The following SEMA6D variants were observed in gnomAD, a reference collection of about 807,000 sequenced individuals.
SEMA6D encodes semaphorin 6D.
A neutral mutation model predicts 106.6 loss-of-function variants in SEMA6D; 35 were observed. The observed-to-expected ratio is 0.33, with a 90% CI of 0.25 to 0.44. SEMA6D has a LOEUF of 0.44. Ranked by LOEUF, SEMA6D falls within the 20% of genes least tolerant of loss-of-function variation. The pLI, the probability that SEMA6D is intolerant of heterozygous loss-of-function variation, is 1.00. For synonymous variants in SEMA6D, 499 were observed against 487.7 expected, an observed-to-expected ratio of 1.02 and a Z score of -0.31; for missense variants, 1,185 against 1,345.9, an observed-to-expected ratio of 0.88 and a Z score of 1.87.
At chr15:47,488,348 G>C (rs143402342) in intron 3 of SEMA6D, among the ~76,000 whole-genome samples, 2 of 151,992 alleles carry the variant, frequency 1.3e-5, no homozygotes, top group African/African-American at 4.8e-5. Context: ...TTATAGACAT[G>C]TCTGGTTTTA....
At chr15:47,573,599 A>G (rs538828951) in intron 3 of SEMA6D, among the ~76,000 whole-genome samples, 24 of 152,200 alleles carry the variant, frequency 1.6e-4, no homozygotes, top group Non-Finnish European at 2.8e-4. Context: ...CATGGAGACA[A>G]CGGTGGTGCA....
chr15:47,670,583 T>A (rs1467409486), intron 4 of SEMA6D, among the ~76,000 whole-genome samples: 2 of 151,716 alleles, frequency 1.3e-5, no homozygotes, highest in Non-Finnish European at 2.9e-5. Context: ...CTTAGTAGGT[T>A]TTCTGTTCCT....
intron 3 of SEMA6D, among the ~76,000 whole-genome samples, chr15:47,593,803 G>A (rs898529154): frequency 2.0e-5 from 3 of 152,154 alleles, no homozygotes; most frequent in African/African-American, 2.4e-5. Context: ...GGTGCATCAC[G>A]TGGCTGGAGT....
chr15:47,353,218 A>G (rs922764682), intron 1 of SEMA6D, among the ~76,000 whole-genome samples: 2 of 152,162 alleles, frequency 1.3e-5, no homozygotes, highest in East Asian at 1.9e-4. Context: ...GACATTTCCT[A>G]AAGAGTTACG....
At chr15:47,475,810 A>G (rs1429524902) in intron 3 of SEMA6D, among the ~76,000 whole-genome samples, 1 of 152,212 alleles carries the variant, frequency 6.6e-6, no homozygotes. Flanking sequence ...TGGATGATAT[A>G]TTGGACTGGA....
At chr15:47,550,383 C>A (rs1295785769) in intron 3 of SEMA6D, among the ~76,000 whole-genome samples, 2 of 152,020 alleles carry the variant, frequency 1.3e-5, no homozygotes, top group Non-Finnish European at 2.9e-5. Flanking sequence ...TTTATCTTGC[C>A]CTCATTTACT....
At chr15:47,694,154 C>G (rs889704843) in intron 4 of SEMA6D, among the ~76,000 whole-genome samples, 13 of 151,904 alleles carry the variant, frequency 8.6e-5, no homozygotes, top group African/African-American at 3.1e-4. Flanking sequence ...GCTATTGAAA[C>G]AGAAACTCTT....
intron 3 of SEMA6D, among the ~76,000 whole-genome samples, chr15:47,480,680 A>G (rs926475374): frequency 6.6e-6 from 1 of 152,160 alleles, no homozygotes; most frequent in Admixed American, 6.6e-5. Context: ...CTGAACTGCT[A>G]AGGTTCTTAT....
intron 1 of SEMA6D, among the ~76,000 whole-genome samples, chr15:47,235,643 A>C (rs749242001): frequency 9.9e-5 from 15 of 151,888 alleles, no homozygotes; most frequent in Non-Finnish European, 1.8e-4. Context: ...ATTTGTTTTT[A>C]TTTCTGAGCT....
intron 2 of SEMA6D, among the ~76,000 whole-genome samples, chr15:47,430,553 C>T (rs1415628815): frequency 1.3e-5 from 2 of 151,990 alleles, no homozygotes; most frequent in South Asian, 2.1e-4. Flanking sequence ...GGCTGGGTCT[C>T]CTGGGTGGCA....
chr15:47,623,951 G>A (rs1401678525), intron 4 of SEMA6D, among the ~76,000 whole-genome samples: 1 of 152,072 alleles, frequency 6.6e-6, no homozygotes, highest in African/African-American at 2.4e-5. Context: ...ATCCTTCGAT[G>A]TGTCCCCACT....
At chr15:47,332,189 A>G (rs147787063) in intron 1 of SEMA6D, among the ~76,000 whole-genome samples, 1 of 152,206 alleles carries the variant, frequency 6.6e-6, no homozygotes, top group Non-Finnish European at 1.5e-5. Flanking sequence ...ATAGCACTAC[A>G]GCATGCGGCA....
intron 1 of SEMA6D, among the ~76,000 whole-genome samples, chr15:47,747,885 G>T (rs1232492428): frequency 3.9e-5 from 6 of 152,222 alleles, no homozygotes. Flanking sequence ...TAGGCAAGCT[G>T]ATTTTCATTT....
chr15:47,288,018 G>A (rs776415372), intron 1 of SEMA6D, among the ~76,000 whole-genome samples: 3 of 152,088 alleles, frequency 2.0e-5, no homozygotes, highest in Non-Finnish European at 2.9e-5. Flanking sequence ...AGAGTGCAGC[G>A]GGGTGGGGGC....
intron 1 of SEMA6D, among the ~76,000 whole-genome samples, chr15:47,350,409 T>A (rs2038273980): frequency 6.6e-6 from 1 of 152,198 alleles, no homozygotes; most frequent in Non-Finnish European, 1.5e-5. Context: ...AATTGGATAC[T>A]CAAGGTATTC....
chr15:47,344,567 A>G lies in SEMA6D; in HGVS notation c.-238-67826A>G, dbSNP rs2037965083. ...CCTGTGTTGAGGATATGAAACTGAGAGTCTGAGAAGACCAAGGTGGCTGAA... is the reference window on the plus strand; with the variant it reads ...CCTGTGTTGAGGATATGAAACTGAGGGTCTGAGAAGACCAAGGTGGCTGAA... On this transcript the variant is annotated intron_variant, in intron 1 of 19. Coordinates refer to the SEMA6D transcript ENST00000558014. Among the ~76,000 whole-genome samples the G allele has an allele frequency of 2.0e-5, 3 of 152,282 alleles. No homozygotes were observed. In the South Asian group the frequency reaches 6.2e-4, roughly 32 times the overall value.
In SEMA6D at chr15:47,730,585, C is replaced by CG; in HGVS notation, c.-55+12893_-55+12894insG. The stretch of plus-strand genomic sequence containing the variant: ...CATCCCCTTTGCCAGCAGCTTTCTT[C>CG]TCGGCCCAGGCCAACAGTCTCTGCT... On this transcript the variant is annotated intron_variant, in intron 1 of 18. Transcript: ENST00000536845. 4 of 1,520,366 alleles carry CG rather than the reference C, an allele frequency of 2.6e-6. No individual in the cohort carries two copies. The East Asian group carries it at 9.0e-5, about 34-fold the overall frequency. 94.2% of individuals were successfully genotyped at this position (1,520,366 alleles called of 1,614,324 possible). A position where few individuals can be genotyped will look rare whatever the true frequency, so the allele number is the denominator to read the frequency against.
intron 3 of SEMA6D, among the ~76,000 whole-genome samples, chr15:47,568,783 G>A (rs1435762): frequency 0.72 from 109,659 of 152,032 alleles, 39,772 homozygotes; most frequent in South Asian, 0.78. Context: ...AAGAATTAGT[G>A]TATCTATTTC....
At chr15:47,592,510 G>A (rs1179997211) in intron 3 of SEMA6D, among the ~76,000 whole-genome samples, 1 of 152,172 alleles carries the variant, frequency 6.6e-6, no homozygotes, top group Non-Finnish European at 1.5e-5. Flanking sequence ...GTTAATTTCA[G>A]TTGTGTTGAG....
Sources: allele counts gnomAD v4.1 joint callset (sites outside exome capture counted in the v4.1 genomes callset), GRCh38; gene constraint gnomAD v4.1.1; transcripts MANE v1.5; gene names NCBI Gene and HGNC (gene_info 2026-07-23, HGNC 2026-07-21).